IGF1R: variants seen among roughly 807,000 people sequenced by gnomAD.
IGF1R encodes insulin-like growth factor 1 receptor.
A neutral mutation model predicts 144.6 loss-of-function variants in IGF1R; 44 were observed. That is an observed-to-expected ratio of 0.30 (90% CI 0.24 to 0.39). IGF1R has a LOEUF of 0.39. IGF1R is among the 10% of genes least tolerant of loss of function. IGF1R has a pLI of 1.00. For synonymous variants in IGF1R, 795 were observed against 722.8 expected (o/e 1.10, Z -1.60); for missense variants, 1,355 against 1,833.7 (o/e 0.74, Z 4.77).
intron 1 of IGF1R, among the ~76,000 whole-genome samples, chr15:98,653,461 G>C (rs141149485): frequency 2.0e-5 from 3 of 152,324 alleles, no homozygotes; most frequent in African/African-American, 7.2e-5. Context: ...TTTTAATGCA[G>C]TATTGTTGTT....
intron 2 of IGF1R, among the ~76,000 whole-genome samples, chr15:98,718,589 C>T (rs2141277031): frequency 6.6e-6 from 1 of 152,302 alleles, no homozygotes; most frequent in South Asian, 2.1e-4. Flanking sequence ...GGGAGGAGGG[C>T]CCAGCTGCAG....
intron 20 of IGF1R, among the ~76,000 whole-genome samples, chr15:98,955,034 A>G (rs559609250): frequency 1.3e-5 from 2 of 152,262 alleles, no homozygotes; most frequent in South Asian, 2.1e-4. Context: ...ACTCCATCCC[A>G]GCTCCACCCT....
chr15:98,803,684 G>C (rs889396292), intron 2 of IGF1R, among the ~76,000 whole-genome samples: 2 of 151,868 alleles, frequency 1.3e-5, no homozygotes, highest in Non-Finnish European at 1.5e-5. Flanking sequence ...TTTTGTGTTT[G>C]TAGTAGGGAT....
chr15:98,665,494 C>G (rs1166443530), intron 1 of IGF1R, among the ~76,000 whole-genome samples: 2 of 151,972 alleles, frequency 1.3e-5, no homozygotes, highest in Admixed American at 1.3e-4. Flanking sequence ...CTTCCTTCTT[C>G]AAGGAGGGGG....
At position 98,956,963 on chromosome 15, in the gene IGF1R, A is replaced by G. The variant is rs1163495002; in HGVS notation, c.3723-98A>G. On this transcript the variant is annotated intron_variant, in intron 20 of 20. Transcript: ENST00000650285. ...GGGCTGTGTTCAGTGCTCCCGCCGTACGCTTGTATGCGGGAAACCACTGCA... is the reference window on the plus strand; with the variant it reads ...GGGCTGTGTTCAGTGCTCCCGCCGTGCGCTTGTATGCGGGAAACCACTGCA... The G allele has an allele frequency of 8.9e-6, 12 of 1,344,404 alleles. No individual in the cohort carries two copies. The African/African-American group carries it at 1.4e-4, about 16-fold the overall frequency. The allele number at this position is 1,344,404 out of a possible 1,614,324, so 83.3% of individuals were successfully genotyped here.
intron 2 of IGF1R, among the ~76,000 whole-genome samples, chr15:98,831,613 A>ATG (rs1350611143): frequency 6.6e-6 from 1 of 152,220 alleles, no homozygotes; most frequent in Non-Finnish European, 1.5e-5. Flanking sequence ...AATTTATTAT[A>ATG]TGTGTGCATG....
At chr15:98,794,213 G>T (rs1010607268) in intron 2 of IGF1R, among the ~76,000 whole-genome samples, 1 of 152,158 alleles carries the variant, frequency 6.6e-6, no homozygotes, top group Non-Finnish European at 1.5e-5. Flanking sequence ...CTAGACTTCC[G>T]CAGTTTTGGA....
chr15:98,892,029 A>G (rs2013948989), intron 3 of IGF1R, among the ~76,000 whole-genome samples: 1 of 152,106 alleles, frequency 6.6e-6, no homozygotes, highest in Non-Finnish European at 1.5e-5. Flanking sequence ...TGGAAGTGCA[A>G]AAGAAAAGAC....
chr15:98,868,422 G>C (rs1382245996), intron 2 of IGF1R, among the ~76,000 whole-genome samples: 1 of 143,452 alleles, frequency 7.0e-6, no homozygotes, highest in Non-Finnish European at 1.5e-5. Context: ...GCATGGAAAT[G>C]AGCCTTATGC....
chr15:98,898,388 G>A (rs570320583), intron 4 of IGF1R, among the ~76,000 whole-genome samples: 197 of 152,278 alleles, frequency 1.3e-3, no homozygotes, highest in South Asian at 6.8e-3. Context: ...TATGTCCATT[G>A]CAGGAAATAG....
In IGF1R at chr15:98,962,854, C is replaced by G. The variant is rs1416860144; in HGVS notation, c.*5412C>G. On this transcript the variant is annotated 3_prime_UTR_variant, in exon 21 of 21. Transcript: ENST00000650285. ...GATCTCGGAGTTAAGGCGAATTGTT[C>G]AAGAACACAAACTACATCGCACTCG... 4.3e-6 allele frequency: 1 copy of G among 233,586 alleles called. No individual in the cohort carries two copies. The highest frequency in any genetic ancestry group is 8.5e-6 in the Non-Finnish European group (1 of 118,056). 14.5% of individuals were successfully genotyped at this position (233,586 alleles called of 1,614,324 possible). A position where few individuals can be genotyped will look rare whatever the true frequency, so the allele number is the denominator to read the frequency against.
chr15:98,949,907 T>C (rs900588357), intron 20 of IGF1R, among the ~76,000 whole-genome samples: 2 of 151,598 alleles, frequency 1.3e-5, no homozygotes, highest in African/African-American at 4.9e-5. Flanking sequence ...CTGGAATGAG[T>C]TTGAGGAGGG....
chr15:98,778,146 A>G (rs569154230), intron 2 of IGF1R, among the ~76,000 whole-genome samples: 2 of 152,298 alleles, frequency 1.3e-5, no homozygotes, highest in Admixed American at 1.3e-4. Context: ...GTGTTGGTGG[A>G]CAGAACGGCG....
intron 1 of IGF1R, among the ~76,000 whole-genome samples, chr15:98,698,508 T>C (rs867748640): frequency 2.0e-5 from 3 of 152,368 alleles, no homozygotes; most frequent in Middle Eastern, 3.4e-3. Context: ...TCCGTGAGTC[T>C]GACTACTTTG....
chr15:98,843,944 C>T (rs1596351617), intron 2 of IGF1R, among the ~76,000 whole-genome samples: 3 of 152,316 alleles, frequency 2.0e-5, no homozygotes, highest in Admixed American at 1.3e-4. Context: ...GTGAACTATG[C>T]GTTTGCTGCT....
At chr15:98,773,393 A>G (rs2055638730) in intron 2 of IGF1R, among the ~76,000 whole-genome samples, 1 of 152,190 alleles carries the variant, frequency 6.6e-6, no homozygotes, top group South Asian at 2.1e-4. Flanking sequence ...CAAGGGACAA[A>G]TCAGTTCCTT....
intron 1 of IGF1R, among the ~76,000 whole-genome samples, chr15:98,683,022 G>T (rs565868081): frequency 1.3e-5 from 2 of 150,698 alleles, no homozygotes; most frequent in East Asian, 1.9e-4. Context: ...TATCTCGTGT[G>T]CACTGCTAGA....
rs558651448 is a variant in IGF1R, at chr15:98,964,131, T to TA, written c.*6697dup. On this transcript the variant is annotated 3_prime_UTR_variant, in exon 21 of 21. Transcript: ENST00000650285. ...CCTCTGGGTATCCCTTTGTCTGGGATAAAAAAAATCAAACCAGAAGGCGGG... is the reference window on the plus strand; with the variant it reads ...CCTCTGGGTATCCCTTTGTCTGGGATAAAAAAAAATCAAACCAGAAGGCGGG... 828 of 232,002 alleles carry TA rather than the reference T, an allele frequency of 3.6e-3. 6 individuals are homozygous for TA. The highest frequency in any genetic ancestry group is 0.016 in the African/African-American group (739 of 45,126). 14.4% of individuals were successfully genotyped at this position (232,002 alleles called of 1,614,324 possible). A position where few individuals can be genotyped will look rare whatever the true frequency, so the allele number is the denominator to read the frequency against.
At chr15:98,672,284 G>C (rs891443304) in intron 1 of IGF1R, among the ~76,000 whole-genome samples, 2 of 152,164 alleles carry the variant, frequency 1.3e-5, no homozygotes, top group African/African-American at 4.8e-5. Flanking sequence ...TGTAGATAAG[G>C]CTGGGTGCCA....
Sources: allele counts gnomAD v4.1 joint callset (sites outside exome capture counted in the v4.1 genomes callset), GRCh38; gene constraint gnomAD v4.1.1; transcripts MANE v1.5; gene names NCBI Gene and HGNC (gene_info 2026-07-23, HGNC 2026-07-21).